Variants in SCUBE2 observed in about 807,000 individuals in gnomAD.
The protein encoded by SCUBE2 is signal peptide, CUB domain and EGF like domain containing 2.
In SCUBE2, 114 loss-of-function variants were observed where a neutral mutation model predicts 125.9. The ratio of observed to expected loss-of-function variants is 0.91; its 90% CI spans 0.78 to 1.06. The LOEUF is 1.06. SCUBE2 is among the 50% of genes least tolerant of loss of function. The probability of loss-of-function intolerance (pLI) is 0.00; values close to 1 mark genes in which losing one functional copy is unlikely to be tolerated. For synonymous variants in SCUBE2, 459 were observed against 492.9 expected (o/e 0.93, Z 0.91); for missense variants, 1,255 against 1,301.8 (o/e 0.96, Z 0.55).
chr11:9,085,599 G>A (rs376485916), intron 2 of SCUBE2, among the ~76,000 whole-genome samples: 25 of 152,060 alleles, frequency 1.6e-4, no homozygotes, highest in East Asian at 1.6e-3. Context: ...GGTGGTGGGC[G>A]CCTGTAGTCC....
chr11:9,089,695 C>G lies in SCUBE2; in HGVS notation c.256+12G>C, dbSNP rs776581880. 3.1e-6 allele frequency: 5 copies of G among 1,612,566 alleles called. No individual in the cohort carries two copies. The highest frequency in any genetic ancestry group is 4.2e-6 in the Non-Finnish European group (5 of 1,179,212). On this transcript the variant is annotated intron_variant, in intron 2 of 22. Coordinates refer to ENST00000649792, the MANE Select transcript of SCUBE2 (RefSeq NM_001367977.2). ...CCCTACAGTCCCCCCACATGGTCCC[C>G]AAGGCACTTACCCTCACACTGCCTG...
intron 2 of SCUBE2, among the ~76,000 whole-genome samples, chr11:9,085,903 G>A (rs181057903): frequency 1.1e-4 from 16 of 151,404 alleles, no homozygotes; most frequent in Non-Finnish European, 1.9e-4. Context: ...CGCAATCACA[G>A]CTCACTGCAA....
At chr11:9,067,080 C>T (rs1239501678) in intron 5 of SCUBE2, among the ~76,000 whole-genome samples, 2 of 152,084 alleles carry the variant, frequency 1.3e-5, no homozygotes, top group Non-Finnish European at 2.9e-5. Context: ...GGGGGAGAGA[C>T]TTTTATTATA....
intron 21 of SCUBE2, chr11:9,024,057 T>A (rs1589984528): frequency 3.7e-6 from 1 of 269,816 alleles, no homozygotes; most frequent in East Asian, 1.8e-4. Context: ...GTGGGGAAAA[T>A]AGCAGTTTCC....
In SCUBE2 at chr11:9,026,423, C is replaced by CTTTGTTTG. The variant is rs146316603; in HGVS notation, c.2702-577_2702-570dup. 7.9e-4 allele frequency: 122 copies of CTTTGTTTG among 154,112 alleles called. 1 individual carries two copies. Among genetic ancestry groups the CTTTGTTTG allele is most frequent in the Middle Eastern group, 6.1e-3 (2 of 326 alleles). 9.5% of individuals were successfully genotyped at this position (154,112 alleles called of 1,614,324 possible). ...AGTGGCTCCATGTGTCATCATCATT[C>CTTTGTTTG]TTTGTTTGTTTGTTTGTTTGTTTGT... On this transcript the variant is annotated intron_variant, in intron 20 of 22. Transcript: ENST00000649792.
intron 17 of SCUBE2, among the ~76,000 whole-genome samples, chr11:9,032,440 T>G (rs1280817811): frequency 6.6e-6 from 1 of 152,138 alleles, no homozygotes; most frequent in African/African-American, 2.4e-5. Flanking sequence ...TTTTTCTTAA[T>G]AAGGTCACAT....
At chr11:9,066,626 C>T (rs1042566990) in intron 6 of SCUBE2, 71 bp downstream of exon 6, 2 of 1,250,048 alleles carry the variant, frequency 1.6e-6, no homozygotes, top group Non-Finnish European at 2.3e-6. Context: ...GTGCTAAACA[C>T]CATTAAGGGG....
At chr11:9,039,882 T>C (rs963363993) in intron 16 of SCUBE2, among the ~76,000 whole-genome samples, 1 of 152,230 alleles carries the variant, frequency 6.6e-6, no homozygotes, top group Non-Finnish European at 1.5e-5. Flanking sequence ...TGAGATGTCC[T>C]GACCTATATG....
intron 16 of SCUBE2, among the ~76,000 whole-genome samples, chr11:9,042,166 C>T (rs568932484): frequency 1.1e-4 from 16 of 152,268 alleles, no homozygotes; most frequent in Non-Finnish European, 2.1e-4. Context: ...TCTGGCTTTA[C>T]TCCTCTTACA....
At chr11:9,052,277 C>T (rs757475847) in intron 13 of SCUBE2, among the ~76,000 whole-genome samples, 2 of 152,190 alleles carry the variant, frequency 1.3e-5, no homozygotes, top group Non-Finnish European at 2.9e-5. Flanking sequence ...ATGACAAAGG[C>T]GTCTATATCC....
chr11:9,024,089 A>G, intron 21 of SCUBE2: 1 of 421,884 alleles, frequency 2.4e-6, no homozygotes, highest in Non-Finnish European at 3.2e-6. Context: ...ACTGTGACAC[A>G]TGCAAGACTC....
intron 2 of SCUBE2, among the ~76,000 whole-genome samples, chr11:9,084,433 A>C (rs567486473): frequency 6.6e-6 from 1 of 152,346 alleles, no homozygotes; most frequent in South Asian, 2.1e-4. Flanking sequence ...GGCAAGATCC[A>C]CAGTTGGATG....
At chr11:9,025,195 C>T (rs1589987488) in intron 21 of SCUBE2, among the ~76,000 whole-genome samples, 2 of 152,316 alleles carry the variant, frequency 1.3e-5, no homozygotes, top group East Asian at 3.9e-4. Flanking sequence ...CACAGTGAGT[C>T]AGTGAAAAAG....
At chr11:9,051,210 CTATCTATCTATCTAT>C (rs756444572) in intron 13 of SCUBE2, among the ~76,000 whole-genome samples, 2,701 of 149,758 alleles carry the variant, frequency 0.018, 31 homozygotes, top group Non-Finnish European at 0.029. Context: ...ATCTATCTAT[CTATCTATCTATCTAT>C]CTACCTACCT....
intron 2 of SCUBE2, among the ~76,000 whole-genome samples, chr11:9,083,102 G>A (rs1005988951): frequency 2.6e-5 from 4 of 151,714 alleles, no homozygotes; most frequent in Admixed American, 6.6e-5. Context: ...CACAGGGCAC[G>A]GGGAAAGGGT....
Position 9,053,183 on chromosome 11 carries a change from G to T in SCUBE2, c.1363C>A (p.Pro455Thr). Reference sequence around the variant, plus strand: ...TTACCGCAGTGCAGGGACACACGGGGTGACACACTTGTGGGCAGGAGCCCC... The same window carrying T: ...TTACCGCAGTGCAGGGACACACGGGTTGACACACTTGTGGGCAGGAGCCCC... ...VKGLLPTSVSPRVSLHCGKSG... is the reference protein window; with the variant it reads ...VKGLLPTSVSTRVSLHCGKSG... The change falls in exon 12 of 23, where the codon CCC becomes ACC. Residue 455 changes from proline (P) to threonine (T), a missense_variant. Transcript: ENST00000649792. The T allele has an allele frequency of 1.9e-6, 3 of 1,614,186 alleles. No homozygotes were observed. Among genetic ancestry groups the T allele is most frequent in the Admixed American group, 3.3e-5 (2 of 60,022 alleles).
At chr11:9,079,707 T>C (rs1468450679) in intron 2 of SCUBE2, among the ~76,000 whole-genome samples, 198 bp from the exon 3 acceptor site, 1 of 152,156 alleles carries the variant, frequency 6.6e-6, no homozygotes, top group Non-Finnish European at 1.5e-5. Context: ...TAAGTTTCCA[T>C]AGATAGAAAA....
At chr11:9,041,262 A>ATGTG (rs61340479) in intron 16 of SCUBE2, among the ~76,000 whole-genome samples, 12,254 of 152,164 alleles carry the variant, frequency 0.081, 580 homozygotes, top group East Asian at 0.17. Flanking sequence ...GGGAGAGAGA[A>ATGTG]TGTGTGTGTG....
chr11:9,036,540 C>G (rs1245725390), intron 16 of SCUBE2, among the ~76,000 whole-genome samples: 1 of 152,200 alleles, frequency 6.6e-6, no homozygotes, highest in Non-Finnish European at 1.5e-5. Context: ...TCAGCCATTT[C>G]TATCTGAAGA....
Sources: gnomAD v4.1 joint callset for allele counts (sites outside exome capture counted in the v4.1 genomes callset) on GRCh38, gnomAD v4.1.1 for gene constraint, MANE v1.5 for transcripts, NCBI Gene and HGNC (gene_info 2026-07-23, HGNC 2026-07-21) for gene names.